The following ROCK2 variants were observed in gnomAD, a reference collection of about 807,000 sequenced individuals.
ROCK2 encodes the protein rho-associated protein kinase 2.
A neutral mutation model predicts 195.1 loss-of-function variants in ROCK2; 61 were observed. The ratio of observed to expected loss-of-function variants is 0.31; its 90% confidence interval spans 0.25 to 0.39. The LOEUF is 0.39. Ranked by LOEUF, ROCK2 falls within the 10% of genes least tolerant of loss-of-function variation. The pLI is 1.00. For synonymous variants in ROCK2, 504 were observed against 545.5 expected, an observed-to-expected ratio of 0.92 and a Z score of 1.06; for missense variants, 1,109 against 1,637.4, an observed-to-expected ratio of 0.68 and a Z score of 5.57.
rs1260313385 is a variant in ROCK2 at position 11,330,744 on chromosome 2, G to GGAGGAA, written c.141+13251_141+13252insTTCCTC. ...AGGGAGGAGGGAAGATGAGGAGGGA[G>GGAGGAA]GAGGGAGGAGGAGGAGGGAGGAGGA... is the stretch of plus-strand genomic sequence containing the variant. On this transcript the variant is annotated intron_variant, in intron 1 of 32. Transcript: ENST00000315872. Among the ~76,000 whole-genome samples the GGAGGAA allele has an allele frequency of 1.5e-4, 17 of 113,438 alleles. No homozygotes were observed. In the Admixed American group the frequency reaches 1.5e-3, roughly 10 times the overall value. The allele number at this position is 113,438 out of a possible 152,430, so 74.4% of individuals were successfully genotyped here.
In ROCK2 at chr2:11,198,691, A is replaced by G; in HGVS notation, c.2994T>C (p.Asp998=). Residue 998 remains aspartate (D), a synonymous_variant, in exon 24 of 33, where the codon GAT becomes GAC. Transcript: ENST00000315872. ...TTTGTTAATACATACGCTCTTGAAC[A>G]TCTTTCAATTTGTTATTTAATTCTT... ...EKEELNNKLK[D]VQEQLSRLKD... 2 of 1,605,622 alleles carry G rather than the reference A, an allele frequency of 1.2e-6. No homozygotes were observed. Among genetic ancestry groups the G allele is most frequent in the Non-Finnish European group, 1.7e-6 (2 of 1,174,092 alleles).
intron 20 of ROCK2, 78 bp from the exon 21 acceptor site, chr2:11,202,199 G>A (rs963277692): frequency 3.0e-5 from 34 of 1,142,660 alleles, no homozygotes; most frequent in Non-Finnish European, 4.4e-5. Context: ...TGGTCTGGGG[G>A]AAGCCCTGGG....
chr2:11,294,028 GC>G (rs1409576151), intron 1 of ROCK2, among the ~76,000 whole-genome samples: 3 of 152,194 alleles, frequency 2.0e-5, no homozygotes, highest in Admixed American at 6.5e-5. Context: ...ATGGTGGCGG[GC>G]GCCTGTAGTC....
intron 11 of ROCK2, 32 bp from the exon 12 acceptor site, chr2:11,217,201 T>G (rs745438921): frequency 9.1e-7 from 1 of 1,100,128 alleles, no homozygotes; most frequent in Non-Finnish European, 1.4e-6. Flanking sequence ...TAATTACGTA[T>G]TTTGGTCATA....
chr2:11,345,106 C>T (rs940043063), upstream of ROCK2, among the ~76,000 whole-genome samples: 1 of 152,176 alleles, frequency 6.6e-6, no homozygotes, highest in Non-Finnish European at 1.5e-5. Flanking sequence ...ATAATAGCGA[C>T]CGAGCTCGGC....
At chr2:11,242,524 G>C (rs1036241084) in intron 4 of ROCK2, among the ~76,000 whole-genome samples, 19 of 152,080 alleles carry the variant, frequency 1.2e-4, no homozygotes, top group Non-Finnish European at 2.2e-4. Flanking sequence ...ATGATGGCTG[G>C]AATTTGAGGA....
chr2:11,186,687 C>T (rs1663212327), intron 32 of ROCK2, among the ~76,000 whole-genome samples: 1 of 152,180 alleles, frequency 6.6e-6, no homozygotes, highest in African/African-American at 2.4e-5. Flanking sequence ...AGTGTCACAT[C>T]ATCTTTTACC....
intron 3 of ROCK2, among the ~76,000 whole-genome samples, chr2:11,252,894 G>A (rs1270382456): frequency 2.0e-5 from 3 of 151,288 alleles, no homozygotes; most frequent in South Asian, 2.1e-4. Context: ...GTATACCTAT[G>A]TAACAAACCT....
At chr2:11,193,425 T>C (rs755367828) in intron 30 of ROCK2, among the ~76,000 whole-genome samples, 5 of 152,128 alleles carry the variant, frequency 3.3e-5, no homozygotes, top group Non-Finnish European at 5.9e-5. Context: ...TAACTGACTT[T>C]TCTAACTTTC....
rs1013023821 is a variant in ROCK2, at chr2:11,216,193, G to A, written c.1426C>T (p.Arg476Cys). ...LEQKCKSVNTRLEKTAKELEE... is the reference protein window; with the variant it reads ...LEQKCKSVNTCLEKTAKELEE... Reference sequence around the variant, plus strand: ...AGCTCCTTTGCTGTTTTTTCTAGGCGAGTATTAACAGATCTAAAGAATTTC... The same window carrying A: ...AGCTCCTTTGCTGTTTTTTCTAGGCAAGTATTAACAGATCTAAAGAATTTC... Residue 476 changes from arginine (R) to cysteine (C), a missense_variant, in exon 13 of 33, where the codon CGC becomes TGC. Arg to Cys is a radical substitution (Grantham distance 180). Around this residue, in one of 6 missense-constraint regions of ROCK2, gnomAD observed 542 missense variants for 672.0 expected, o/e 0.81. Transcript: ENST00000315872. The A allele has an allele frequency of 8.7e-6, 14 of 1,610,524 alleles. No homozygotes were observed. The highest frequency in any genetic ancestry group is 4.0e-5 in the African/African-American group (3 of 74,828).
Position 11,201,249 on chromosome 2 carries a change from C to T in ROCK2, c.2723+61G>A. ...AATTTTTTATTTGGTGATTACCAGG[C>T]ATTGTTCTAGGAGCAAAGTATACAG... On this transcript the variant is annotated intron_variant, in intron 22 of 32. Transcript: ENST00000315872. This position sits in a 1 kb window ranked among gnomAD's most constrained non-coding sequence, Gnocchi z 4.6. 4 of 1,514,146 alleles carry T rather than the reference C, an allele frequency of 2.6e-6. No individual in the cohort carries two copies. The highest frequency in any genetic ancestry group is 3.6e-6 in the Non-Finnish European group (4 of 1,101,370). The allele number at this position is 1,514,146 out of a possible 1,614,324, so 93.8% of individuals were successfully genotyped here.
rs1664388396 is a variant in ROCK2 at position 11,215,341 on chromosome 2, C to T, written c.1669G>A (p.Val557Met). ...NQNSQISTEK[V>M]NQLQRQLDET... ...CCTACTTGTCTCTGGAGTTGATTCA[C>T]TTTCTCAGTGGATATTTGAGAGTTT... is the stretch of plus-strand genomic sequence containing the variant. The change falls in exon 15 of 33, where the codon GTG becomes ATG. Residue 557 changes from valine to methionine, a missense_variant. This residue lies in a region of ROCK2 where 542 missense variants were observed against 672.0 expected (regional missense o/e 0.81). Transcript: ENST00000315872. 3 of 1,604,402 alleles carry T rather than the reference C, an allele frequency of 1.9e-6. No homozygotes were observed. The highest frequency in any genetic ancestry group is 4.5e-5 in the East Asian group (2 of 44,780).
chr2:11,248,192 A>G (rs373967594), intron 4 of ROCK2, among the ~76,000 whole-genome samples: 1 of 129,214 alleles, frequency 7.7e-6, no homozygotes, highest in African/African-American at 2.9e-5. Context: ...TCTAAATAAC[A>G]TGGTCAAAAG....
intron 1 of ROCK2, among the ~76,000 whole-genome samples, chr2:11,297,921 CTG>C (rs1667586155): frequency 6.6e-6 from 1 of 152,118 alleles, no homozygotes; most frequent in Admixed American, 6.5e-5. Flanking sequence ...TTCCCTAAAA[CTG>C]TTAAAAACTT....
intron 1 of ROCK2, among the ~76,000 whole-genome samples, chr2:11,293,729 T>C (rs1350342954): frequency 2.0e-5 from 3 of 152,232 alleles, no homozygotes; most frequent in Non-Finnish European, 4.4e-5. Context: ...TCTTGATTAC[T>C]GTGGCTTTTT....
At position 11,181,547 on chromosome 2, in the gene ROCK2, G is replaced by A. The variant is rs1290861950; in HGVS notation, c.*1890C>T. Reference sequence around the variant, plus strand: ...GTTTCCACAATAGTATCTATTATGGGGATCTAACTTTTTAAATATCTCTAA... The same window carrying A: ...GTTTCCACAATAGTATCTATTATGGAGATCTAACTTTTTAAATATCTCTAA... On this transcript the variant is annotated 3_prime_UTR_variant, in exon 33 of 33. Coordinates refer to ENST00000315872, the MANE Select transcript of ROCK2 (RefSeq NM_004850.5). The A allele has an allele frequency of 6.6e-6, 1 of 151,624 alleles. No individual in the cohort carries two copies. The highest frequency in any genetic ancestry group is 1.5e-5 in the Non-Finnish European group (1 of 67,956). 9.4% of individuals were successfully genotyped at this position (151,624 alleles called of 1,614,324 possible). A position where few individuals can be genotyped will look rare whatever the true frequency, so the allele number is the denominator to read the frequency against.
In ROCK2 at chr2:11,295,990, G is replaced by GAGAGA. The variant is rs1553313903; in HGVS notation, c.142-8255_142-8254insTCTCT. Among the ~76,000 whole-genome samples the GAGAGA allele has an allele frequency of 3.2e-4, 9 of 28,420 alleles. 1 individual carries two copies. Among genetic ancestry groups the GAGAGA allele is most frequent in the Non-Finnish European group, 4.5e-4 (5 of 11,004 alleles). 18.6% of individuals were successfully genotyped at this position (28,420 alleles called of 152,430 possible). A position where few individuals can be genotyped will look rare whatever the true frequency, so the allele number is the denominator to read the frequency against. On this transcript the variant is annotated intron_variant, in intron 1 of 32. Transcript: ENST00000315872. ...AAAGAGAGAGAGAGAGAGAGAGAGA[G>GAGAGA]GAGAGAGAGAGAGAGGAGAGAGAGA...
In ROCK2 at chr2:11,325,680, G is replaced by T. The variant is rs544791764; in HGVS notation, c.141+18316C>A. 4.6e-5 allele frequency among the ~76,000 whole-genome samples: 7 copies of T among 152,224 alleles called. No homozygotes were observed. In the South Asian group the frequency reaches 1.5e-3, roughly 32 times the overall value. ...ATTTTAACTTTTCTCTGAATGAATG[G>T]GAAATCAATCATTTAAATACTTCAG... On this transcript the variant is annotated intron_variant, in intron 1 of 32. Transcript: ENST00000315872.
Position 11,192,801 on chromosome 2 carries a change from T to A in ROCK2, c.3688-89A>T. ...TCTGATAGTGTAAGTAAAATAAAATTAGCCTAAATTATTCAAAGAGAAGAA... is the reference window on the plus strand; with the variant it reads ...TCTGATAGTGTAAGTAAAATAAAATAAGCCTAAATTATTCAAAGAGAAGAA... On this transcript the variant is annotated intron_variant, in intron 30 of 32. Coordinates refer to ENST00000315872, the MANE Select transcript of ROCK2 (RefSeq NM_004850.5). The surrounding 1 kb of genome is among the most constrained non-coding windows in gnomAD (Gnocchi z 5.0). The A allele has an allele frequency of 7.3e-7, 1 of 1,362,928 alleles. No individual in the cohort carries two copies. The highest frequency in any genetic ancestry group is 2.4e-5 in the Admixed American group (1 of 40,850). The allele number at this position is 1,362,928 out of a possible 1,614,324, so 84.4% of individuals were successfully genotyped here.
Sources: gnomAD v4.1 joint callset for allele counts (sites outside exome capture counted in the v4.1 genomes callset) on GRCh38, gnomAD v4.1.1 for gene constraint, gnomAD v4.1.1 regional missense constraint, Gnocchi (gnomAD v3.1) non-coding constraint, MANE v1.5 for transcripts, NCBI Gene and HGNC (gene_info 2026-07-23, HGNC 2026-07-21) for gene names.